The following MPPED1 variants were observed in gnomAD, a reference collection of about 807,000 sequenced individuals.
The protein encoded by MPPED1 is metallophosphoesterase domain containing 1.
In MPPED1, 16 loss-of-function variants were observed where a neutral mutation model predicts 36.2. That is an observed-to-expected ratio of 0.44 (90% CI 0.30 to 0.67). The LOEUF is 0.67. Among genes scored for constraint, MPPED1 ranks in the 30% least tolerant of loss-of-function variants. MPPED1 has a pLI of 0.10. For synonymous variants in MPPED1, 199 were observed against 191.3 expected (o/e 1.04, Z -0.33); for missense variants, 307 against 453.4 (o/e 0.68, Z 2.93).
At chr22:43,450,316 C>A (rs909364839) in intron 3 of MPPED1, among the ~76,000 whole-genome samples, 1 of 152,218 alleles carries the variant, frequency 6.6e-6, no homozygotes, top group African/African-American at 2.4e-5. Context: ...GCTGGGCAGC[C>A]CTGAGAAGGT....
In MPPED1 at chr22:43,435,080, C is replaced by T; in HGVS notation, c.271C>T (p.Arg91Cys). The T allele has an allele frequency of 6.2e-7, 1 of 1,613,896 alleles. No individual in the cohort carries two copies. Among genetic ancestry groups the T allele is most frequent in the Non-Finnish European group, 8.5e-7 (1 of 1,179,904 alleles). ...HDAPKPPGYT[R>C]FVCVSDTHSR... Reference sequence around the variant, plus strand: ...TGCCCCCAAACCTCCAGGCTACACCCGCTTCGTCTGCGTCTCTGATACCCA... The same window carrying T: ...TGCCCCCAAACCTCCAGGCTACACCTGCTTCGTCTGCGTCTCTGATACCCA... The change falls in exon 3 of 7, where the codon CGC (arginine) becomes TGC (cysteine). Residue 91 changes from arginine (R) to cysteine (C), a missense_variant. Physicochemically the swap from Arg to Cys is radical, Grantham distance 180 (BLOSUM62 -3). This residue lies in a region of MPPED1 where 169 missense variants were observed against 212.3 expected (regional missense o/e 0.80). Transcript: ENST00000443721.
At chr22:43,456,023 T>C (rs1308850372) in intron 3 of MPPED1, among the ~76,000 whole-genome samples, 1 of 152,222 alleles carries the variant, frequency 6.6e-6, no homozygotes, top group African/African-American at 2.4e-5. Context: ...TCTTGTAGCT[T>C]GTGGTGGCTG....
chr22:43,425,522 C>T (rs1186690076), intron 2 of MPPED1, among the ~76,000 whole-genome samples: 2 of 152,132 alleles, frequency 1.3e-5, no homozygotes, highest in Non-Finnish European at 2.9e-5. Flanking sequence ...TTATAAAACC[C>T]AAAGGCCTGG....
At chr22:43,486,279 C>T (rs28632161) in intron 4 of MPPED1, among the ~76,000 whole-genome samples, 3,488 of 152,182 alleles carry the variant, frequency 0.023, 164 homozygotes, top group African/African-American at 0.079. Flanking sequence ...GGGAAGGACT[C>T]GGGGCCAATG....
intron 3 of MPPED1, among the ~76,000 whole-genome samples, chr22:43,468,815 T>C (rs959185941): frequency 5.9e-5 from 9 of 151,962 alleles, no homozygotes; most frequent in African/African-American, 2.2e-4. Flanking sequence ...GGGAAGAAGG[T>C]GGGCATTCAG....
Position 43,447,881 on chromosome 22 carries a change from A to AT in MPPED1, c.406+12667dup, listed in dbSNP as rs1463126887. On this transcript the variant is annotated intron_variant, in intron 3 of 6. Coordinates refer to ENST00000443721, the MANE Select transcript of MPPED1 (RefSeq NM_001044370.2). ...ATATTATATATATATATATATATAT[A>AT]TATTTTTTTTTTTTTTAGACAAAGT... 3.4e-3 allele frequency among the ~76,000 whole-genome samples: 116 copies of AT among 34,564 alleles called. 1 individual carries two copies. The highest frequency in any genetic ancestry group is 0.011 in the East Asian group (15 of 1,344). The allele number at this position is 34,564 out of a possible 152,430, so 22.7% of individuals were successfully genotyped here.
chr22:43,463,807 T>TTC (rs1931043491), intron 3 of MPPED1, among the ~76,000 whole-genome samples: 1 of 112,890 alleles, frequency 8.9e-6, no homozygotes, highest in Non-Finnish European at 1.8e-5. Flanking sequence ...TCATTTTTTC[T>TTC]TTTCTTTCTT....
chr22:43,447,858 A>ATTTT (rs1326491738), intron 3 of MPPED1, among the ~76,000 whole-genome samples: 2 of 39,572 alleles, frequency 5.1e-5, no homozygotes, highest in Non-Finnish European at 9.1e-5. Context: ...ATATGTAAAT[A>ATTTT]TTATATATAT....
Position 43,502,884 on chromosome 22 carries a change from G to A in MPPED1, c.862+127G>A. On this transcript the variant is annotated intron_variant, in intron 6 of 6. Coordinates refer to ENST00000443721, the MANE Select transcript of MPPED1 (RefSeq NM_001044370.2). The surrounding 1 kb of genome is among the most constrained non-coding windows in gnomAD (Gnocchi z 5.5). ...CATTCCTACTGTTCGCTTTGTAACT[G>A]CTAACTGCCATACACACCCTGGCTG... 2.6e-6 allele frequency: 2 copies of A among 765,176 alleles called. No homozygotes were observed. Among genetic ancestry groups the A allele is most frequent in the Non-Finnish European group, 2.3e-6 (1 of 442,766 alleles). 47.4% of individuals were successfully genotyped at this position (765,176 alleles called of 1,614,324 possible). A position where few individuals can be genotyped will look rare whatever the true frequency, so the allele number is the denominator to read the frequency against.
intron 3 of MPPED1, among the ~76,000 whole-genome samples, chr22:43,458,329 A>G (rs1047541770): frequency 5.3e-5 from 8 of 151,576 alleles, no homozygotes; most frequent in Non-Finnish European, 4.4e-5. Flanking sequence ...CTCTGTCACC[A>G]GGCTGGAGTG....
intron 4 of MPPED1, among the ~76,000 whole-genome samples, chr22:43,476,075 G>A (rs377508491): frequency 3.5e-5 from 5 of 144,278 alleles, no homozygotes; most frequent in African/African-American, 1.3e-4. Flanking sequence ...ATCATGGTGG[G>A]GGTGGTGGTG....
intron 1 of MPPED1, among the ~76,000 whole-genome samples, chr22:43,423,109 T>A (rs936220359): frequency 1.3e-5 from 2 of 152,186 alleles, no homozygotes; most frequent in Admixed American, 6.5e-5. Context: ...AGTGCTGGGA[T>A]TACGGGTGTG....
At chr22:43,418,271 C>A (rs1314511807) in intron 1 of MPPED1, 8 of 403,462 alleles carry the variant, frequency 2.0e-5, no homozygotes, top group Non-Finnish European at 3.5e-5. Context: ...CCTGGGCCTG[C>A]GCTGAGTTTG....
At chr22:43,434,801 G>A (rs930658759) in intron 2 of MPPED1, among the ~76,000 whole-genome samples, 16 of 152,346 alleles carry the variant, frequency 1.1e-4, no homozygotes, top group African/African-American at 3.8e-4. Flanking sequence ...CCATGTTACA[G>A]ACAGGGAAAC....
chr22:43,473,103 G>C (rs866206903), intron 3 of MPPED1, among the ~76,000 whole-genome samples: 1 of 152,218 alleles, frequency 6.6e-6, no homozygotes, highest in South Asian at 2.1e-4. Context: ...TCTGGAATTT[G>C]GTTCCCCATG....
At chr22:43,485,463 C>A (rs1602005961) in intron 4 of MPPED1, among the ~76,000 whole-genome samples, 1 of 152,116 alleles carries the variant, frequency 6.6e-6, no homozygotes, top group East Asian at 1.9e-4. Context: ...CAAGTACACA[C>A]ATACACACTC....
chr22:43,487,390 A>C (rs866069612), intron 4 of MPPED1, among the ~76,000 whole-genome samples: 103 of 152,308 alleles, frequency 6.8e-4, no homozygotes, highest in African/African-American at 2.2e-3. Context: ...TAAGGTTGAC[A>C]TGGGTGGTGA....
intron 1 of MPPED1, among the ~76,000 whole-genome samples, chr22:43,414,394 G>A (rs1483137300): frequency 1.3e-5 from 2 of 152,102 alleles, no homozygotes; most frequent in African/African-American, 4.8e-5. Context: ...GCAGCATTAA[G>A]GAGAAAAATC....
chr22:43,417,402 T>A (rs979312240), intron 1 of MPPED1, among the ~76,000 whole-genome samples: 3 of 151,360 alleles, frequency 2.0e-5, no homozygotes, highest in Non-Finnish European at 2.9e-5. Flanking sequence ...TCTGATTTTT[T>A]TTCTCCCATT....
Sources: allele counts gnomAD v4.1 joint callset (sites outside exome capture counted in the v4.1 genomes callset), GRCh38; gene constraint gnomAD v4.1.1; regional missense constraint gnomAD v4.1.1; non-coding constraint Gnocchi (gnomAD v3.1); transcripts MANE v1.5; gene names NCBI Gene and HGNC (gene_info 2026-07-23, HGNC 2026-07-21).